Variants in FLNB observed in about 807,000 individuals in gnomAD.
FLNB encodes filamin-B.
FLNB carries 111 observed loss-of-function variants against 250.6 expected under a neutral mutation model. The observed-to-expected ratio is 0.44, with a 90% CI of 0.38 to 0.52. The LOEUF is 0.52. Among genes scored for constraint, FLNB ranks in the 20% least tolerant of loss-of-function variants. The pLI, the probability that FLNB is intolerant of heterozygous loss-of-function variation, is 0.00. For synonymous variants in FLNB, 1,302 were observed against 1,372.1 expected (o/e 0.95, Z 1.13); for missense variants, 2,869 against 3,447.8 (o/e 0.83, Z 4.20).
intron 18 of FLNB, among the ~76,000 whole-genome samples, 189 bp from the exon 19 acceptor site, chr3:58,118,683 G>C (rs902592138): frequency 6.6e-6 from 1 of 152,122 alleles, no homozygotes; most frequent in Non-Finnish European, 1.5e-5. Flanking sequence ...GCTCTTATTT[G>C]ATCTAATTTT....
At chr3:58,080,028 C>T (rs371357127) in intron 3 of FLNB, among the ~76,000 whole-genome samples, 4 of 152,290 alleles carry the variant, frequency 2.6e-5, no homozygotes, top group East Asian at 3.9e-4. Flanking sequence ...TTTTCATCTC[C>T]GCTTAAACCT....
intron 1 of FLNB, among the ~76,000 whole-genome samples, chr3:58,034,276 T>C (rs1399863848): frequency 3.3e-5 from 5 of 152,258 alleles, no homozygotes; most frequent in Admixed American, 2.6e-4. Context: ...TACGTTTAAC[T>C]GTTCAAGAAA....
chr3:58,026,314 C>T (rs551725577), intron 1 of FLNB, among the ~76,000 whole-genome samples: 1 of 152,216 alleles, frequency 6.6e-6, no homozygotes, highest in Non-Finnish European at 1.5e-5. Context: ...TCTGACTCGT[C>T]CCTGCCTTGG....
At chr3:58,039,089 A>T (rs2097142431) in intron 1 of FLNB, among the ~76,000 whole-genome samples, 1 of 149,166 alleles carries the variant, frequency 6.7e-6, no homozygotes, top group Non-Finnish European at 1.5e-5. Flanking sequence ...ATGCAGTGGC[A>T]TGATCATAGC....
chr3:58,148,837 G>A lies in FLNB; in HGVS notation c.6076G>A (p.Asp2026Asn). The change falls in exon 36 of 46, where the codon GAC becomes AAC. Residue 2026 changes from aspartate (D) to asparagine (N), a missense_variant. By Grantham distance (23) the Asp-to-Asn change is conservative. Transcript: ENST00000295956. Reference protein sequence around the residue: ...RTFEMSDFIVDTRDAGYGGIS... With the variant: ...RTFEMSDFIVNTRDAGYGGIS... Reference sequence around the variant, plus strand: ...TTTCGAGATGTCTGACTTCATCGTGGACACAAGGGATGCAGGTCTGTGTGG... The same window carrying A: ...TTTCGAGATGTCTGACTTCATCGTGAACACAAGGGATGCAGGTCTGTGTGG... 6.2e-7 allele frequency: 1 copy of A among 1,612,862 alleles called. No homozygotes were observed. Among genetic ancestry groups the A allele is most frequent in the Non-Finnish European group, 8.5e-7 (1 of 1,180,022 alleles).
intron 1 of FLNB, among the ~76,000 whole-genome samples, chr3:58,066,449 C>T (rs2097185908): frequency 1.3e-5 from 2 of 152,140 alleles, no homozygotes; most frequent in African/African-American, 2.4e-5. Context: ...GAACTCCTGA[C>T]CTCAGGTGAT....
At chr3:58,127,150 C>A (rs1050125620) in intron 24 of FLNB, among the ~76,000 whole-genome samples, 1 of 152,052 alleles carries the variant, frequency 6.6e-6, no homozygotes, top group African/African-American at 2.4e-5. Context: ...TGGGGAATCC[C>A]CATCTTTACA....
chr3:58,134,903 G>C, intron 27 of FLNB, 131 bp downstream of exon 27: 1 of 867,508 alleles, frequency 1.2e-6, no homozygotes, highest in South Asian at 1.6e-5. Flanking sequence ...TCCCACCAAA[G>C]AGTCAGTAAA....
At chr3:58,073,520 A>G (rs1333342264) in intron 1 of FLNB, among the ~76,000 whole-genome samples, 7 of 151,930 alleles carry the variant, frequency 4.6e-5, no homozygotes, top group Non-Finnish European at 8.8e-5. Context: ...CCGTGTGCTC[A>G]GAAGGGCCCT....
chr3:58,017,971 C>T (rs2097108122), intron 1 of FLNB, among the ~76,000 whole-genome samples: 1 of 152,156 alleles, frequency 6.6e-6, no homozygotes, highest in South Asian at 2.1e-4. Context: ...AAAAGCTTGG[C>T]AAGGAGGACC....
chr3:58,028,235 T>A (rs946477153), intron 1 of FLNB, among the ~76,000 whole-genome samples: 20 of 152,164 alleles, frequency 1.3e-4, no homozygotes, highest in African/African-American at 4.6e-4. Flanking sequence ...GTTCACTGAC[T>A]TCTGGTTGCT....
At chr3:58,153,265 C>G (rs1202427714) in intron 38 of FLNB, 110 bp from the exon 39 acceptor site, 1 of 1,282,332 alleles carries the variant, frequency 7.8e-7, no homozygotes, top group Non-Finnish European at 1.1e-6. Context: ...CACCTCACGT[C>G]CACCGGGCTG....
At chr3:58,086,743 T>C (rs1406559828) in intron 4 of FLNB, among the ~76,000 whole-genome samples, 1 of 152,128 alleles carries the variant, frequency 6.6e-6, no homozygotes, top group Non-Finnish European at 1.5e-5. Flanking sequence ...CAGCCGGAGA[T>C]TAAATGAGAC....
chr3:58,074,174 G>A (rs1014753809), intron 1 of FLNB, among the ~76,000 whole-genome samples: 5 of 152,200 alleles, frequency 3.3e-5, no homozygotes, highest in Admixed American at 2.0e-4. Flanking sequence ...CCCAGACCAA[G>A]AACATCAGCA....
At chr3:58,080,143 A>G (rs1378713586) in intron 3 of FLNB, among the ~76,000 whole-genome samples, 1 of 152,220 alleles carries the variant, frequency 6.6e-6, no homozygotes, top group Non-Finnish European at 1.5e-5. Context: ...TTTTTATGGA[A>G]TGTATTGAAG....
At chr3:58,144,307 G>T (rs138960946) in intron 32 of FLNB, among the ~76,000 whole-genome samples, 94 of 151,996 alleles carry the variant, frequency 6.2e-4, no homozygotes, top group African/African-American at 2.2e-3. Flanking sequence ...GCACAGATTG[G>T]TCTCAAACTC....
In FLNB at chr3:58,171,092, C is replaced by T. The variant is rs1429003301; in HGVS notation, c.*330C>T. The T allele has an allele frequency of 6.7e-6, 2 of 299,336 alleles. No individual in the cohort carries two copies. Among genetic ancestry groups the T allele is most frequent in the African/African-American group, 4.4e-5 (2 of 45,952 alleles). The allele number at this position is 299,336 out of a possible 1,614,324, so 18.5% of individuals were successfully genotyped here. A position where few individuals can be genotyped will look rare whatever the true frequency, so the allele number is the denominator to read the frequency against. ...TGACATTTCAAAAAAACAAAACTGG[C>T]TAGCCTGAGCTGCTGGTTCACTCTT... On this transcript the variant is annotated 3_prime_UTR_variant, in exon 46 of 46. Transcript: ENST00000295956. This position sits in a 1 kb window ranked among gnomAD's most constrained non-coding sequence, Gnocchi z 5.5.
At position 58,119,005 on chromosome 3, in the gene FLNB, G is replaced by A. The variant is rs1187978503; in HGVS notation, c.2863+16G>A. On this transcript the variant is annotated intron_variant, in intron 19 of 45. Transcript: ENST00000295956. ...CTGGAAAACAGTAAGTGCCTGAATG[G>A]AGAGCAGATGGGTTGTTGATGACCC... The A allele has an allele frequency of 6.4e-7, 1 of 1,562,126 alleles. No homozygotes were observed. The highest frequency in any genetic ancestry group is 8.8e-7 in the Non-Finnish European group (1 of 1,132,588).
chr3:58,033,337 T>G (rs1375826642), intron 1 of FLNB, among the ~76,000 whole-genome samples: 1 of 152,070 alleles, frequency 6.6e-6, no homozygotes, highest in African/African-American at 2.4e-5. Flanking sequence ...TTTCTGTCAT[T>G]ATCAGTCAGT....
Sources: gnomAD v4.1 joint callset for allele counts (sites outside exome capture counted in the v4.1 genomes callset) on GRCh38, gnomAD v4.1.1 for gene constraint, Gnocchi (gnomAD v3.1) non-coding constraint, MANE v1.5 for transcripts, NCBI Gene and HGNC (gene_info 2026-07-23, HGNC 2026-07-21) for gene names.